Variants in PTPRG observed in about 807,000 individuals in gnomAD.
The protein encoded by PTPRG is protein tyrosine phosphatase receptor type G.
A neutral mutation model predicts 165.3 loss-of-function variants in PTPRG; 102 were observed. The ratio of observed to expected loss-of-function variants is 0.62; its 90% confidence interval spans 0.53 to 0.73. PTPRG has a LOEUF of 0.73. Among genes scored for constraint, PTPRG ranks in the 30% least tolerant of loss-of-function variants. The probability of loss-of-function intolerance (pLI) is 0.00; values close to 1 mark genes in which losing one functional copy is unlikely to be tolerated. For synonymous variants in PTPRG, 675 were observed against 669.5 expected (o/e 1.01, Z -0.13); for missense variants, 1,866 against 1,861.4 (o/e 1.00, Z -0.05).
chr3:61,600,776 A>G (rs1700842793), intron 1 of PTPRG, among the ~76,000 whole-genome samples: 1 of 152,150 alleles, frequency 6.6e-6, no homozygotes, highest in Non-Finnish European at 1.5e-5. Context: ...CCTAAGCTCA[A>G]GCAGTCCTGC....
At chr3:62,015,744 A>G (rs1409041559) in intron 4 of PTPRG, among the ~76,000 whole-genome samples, 6 of 152,096 alleles carry the variant, frequency 3.9e-5, no homozygotes, top group African/African-American at 9.7e-5. Flanking sequence ...ACATTTCAGG[A>G]GAGAGGATGG....
At chr3:62,127,589 C>G (rs573178629) in intron 5 of PTPRG, among the ~76,000 whole-genome samples, 1 of 152,272 alleles carries the variant, frequency 6.6e-6, no homozygotes, top group South Asian at 2.1e-4. Context: ...TCCTTTTTTC[C>G]CACAAGAGGA....
At chr3:62,262,406 A>T (rs1383459658) in intron 16 of PTPRG, 1 of 154,848 alleles carries the variant, frequency 6.5e-6, no homozygotes, top group East Asian at 1.9e-4. Context: ...AAATTTTTTC[A>T]CCTGTCTAAA....
At chr3:61,956,579 A>C (rs2040036485) in intron 2 of PTPRG, among the ~76,000 whole-genome samples, 1 of 152,228 alleles carries the variant, frequency 6.6e-6, no homozygotes, top group Non-Finnish European at 1.5e-5. Context: ...GAATTAATTC[A>C]ATTAGATATG....
intron 2 of PTPRG, among the ~76,000 whole-genome samples, chr3:61,898,226 A>G (rs1013937400): frequency 6.6e-6 from 1 of 152,040 alleles, no homozygotes; most frequent in African/African-American, 2.4e-5. Flanking sequence ...ATTCTTTGGT[A>G]ATTCCTCTTA....
intron 4 of PTPRG, among the ~76,000 whole-genome samples, chr3:62,061,120 C>T (rs1222599143): frequency 1.3e-5 from 2 of 152,186 alleles, no homozygotes; most frequent in Non-Finnish European, 2.9e-5. Flanking sequence ...CCTGTTTTAG[C>T]ATCCCTTGAT....
rs553965301 is a variant in PTPRG at position 62,144,134 on chromosome 3, G to T, written c.682+11466G>T. On this transcript the variant is annotated intron_variant, in intron 6 of 29. Coordinates refer to ENST00000474889, the MANE Select transcript of PTPRG (RefSeq NM_002841.4). ...ACAACAATGGCAAACTTGAGTAGCC[G>T]TGACAGACGCACTGGCCTGCACCAC... is the stretch of plus-strand genomic sequence containing the variant. Among the ~76,000 whole-genome samples, 20 of 152,324 alleles carry T rather than the reference G, an allele frequency of 1.3e-4. No individual in the cohort carries two copies. In the East Asian group the frequency reaches 3.7e-3, roughly 28 times the overall value.
intron 1 of PTPRG, among the ~76,000 whole-genome samples, chr3:61,673,216 C>T (rs137937857): frequency 7.2e-5 from 11 of 152,266 alleles, no homozygotes; most frequent in Admixed American, 6.5e-4. Flanking sequence ...TATAAGTTGT[C>T]CCTGCATGTA....
intron 2 of PTPRG, among the ~76,000 whole-genome samples, chr3:61,886,806 T>G (rs958894262): frequency 1.3e-5 from 2 of 152,172 alleles, no homozygotes; most frequent in Non-Finnish European, 2.9e-5. Context: ...AAGGTTTTTA[T>G]TTTCTGCTTA....
intron 1 of PTPRG, among the ~76,000 whole-genome samples, chr3:61,737,189 CCTCT>C (rs925574129): frequency 4.0e-5 from 6 of 151,838 alleles, no homozygotes; most frequent in Non-Finnish European, 7.4e-5. Context: ...TTCCCTGCCT[CCTCT>C]CTCTCTCTAA....
intron 1 of PTPRG, among the ~76,000 whole-genome samples, chr3:61,600,173 A>T (rs60673583): frequency 0.32 from 39,722 of 123,094 alleles, 6,974 homozygotes; most frequent in South Asian, 0.45. Flanking sequence ...AAAAAAAAAA[A>T]ATATATATAT....
chr3:61,698,672 G>A (rs1289384580), intron 1 of PTPRG, among the ~76,000 whole-genome samples: 2 of 152,136 alleles, frequency 1.3e-5, no homozygotes, highest in African/African-American at 4.8e-5. Flanking sequence ...TTTTGTTTAT[G>A]TGGATCATAT....
chr3:62,100,250 C>G (rs1261765377), intron 5 of PTPRG, among the ~76,000 whole-genome samples: 2 of 152,086 alleles, frequency 1.3e-5, no homozygotes, highest in African/African-American at 4.8e-5. Flanking sequence ...TTAGAAGGGT[C>G]TATGACCCAA....
intron 2 of PTPRG, among the ~76,000 whole-genome samples, chr3:61,913,396 T>C (rs1166985582): frequency 1.3e-5 from 2 of 152,160 alleles, no homozygotes; most frequent in African/African-American, 4.8e-5. Flanking sequence ...ATTTTTTGTA[T>C]TTTTAGTAGA....
chr3:61,804,693 A>T (rs966091752), intron 2 of PTPRG, among the ~76,000 whole-genome samples: 33 of 149,074 alleles, frequency 2.2e-4, no homozygotes, highest in South Asian at 6.2e-4. Flanking sequence ...AAAAAAAAAA[A>T]AATAAAATCT....
intron 2 of PTPRG, among the ~76,000 whole-genome samples, chr3:61,899,527 C>G (rs2038446317): frequency 6.6e-6 from 1 of 152,100 alleles, no homozygotes; most frequent in Non-Finnish European, 1.5e-5. Context: ...TCGGTTTCTG[C>G]TTTGGTGTCA....
Position 62,196,075 on chromosome 3 carries a change from A to G in PTPRG, c.1327+905A>G, listed in dbSNP as rs577258002. On this transcript the variant is annotated intron_variant, in intron 10 of 29. Transcript: ENST00000474889. ...AGCTCTGAGATTACAGGCGTGAGCCACCACGCCCGGCAATGGGATGTTTTT... is the reference window on the plus strand; with the variant it reads ...AGCTCTGAGATTACAGGCGTGAGCCGCCACGCCCGGCAATGGGATGTTTTT... Among the ~76,000 whole-genome samples the G allele has an allele frequency of 2.0e-3, 304 of 151,644 alleles. 1 individual carries two copies. Among genetic ancestry groups the G allele is most frequent in the African/African-American group, 7.0e-3 (291 of 41,448 alleles).
intron 1 of PTPRG, among the ~76,000 whole-genome samples, chr3:61,698,559 T>A (rs965956078): frequency 9.8e-5 from 15 of 152,316 alleles, no homozygotes; most frequent in African/African-American, 3.6e-4. Flanking sequence ...ATTTGGCCCA[T>A]GGGACATAGT....
intron 14 of PTPRG, among the ~76,000 whole-genome samples, chr3:62,241,718 T>C (rs1701164430): frequency 6.6e-6 from 1 of 152,174 alleles, no homozygotes; most frequent in African/African-American, 2.4e-5. Flanking sequence ...AACAATTGTA[T>C]TTACTAATAG....
Sources: gnomAD v4.1 joint callset for allele counts (sites outside exome capture counted in the v4.1 genomes callset) on GRCh38, gnomAD v4.1.1 for gene constraint, MANE v1.5 for transcripts, NCBI Gene and HGNC (gene_info 2026-07-23, HGNC 2026-07-21) for gene names.